The following CAPN11 variants were observed in gnomAD, a reference collection of about 807,000 sequenced individuals.
CAPN11 encodes the protein calpain-11.
In CAPN11, 108 loss-of-function variants were observed where a neutral mutation model predicts 105.3. The observed-to-expected ratio is 1.03, with a 90% confidence interval of 0.88 to 1.20. The LOEUF (loss-of-function observed/expected upper bound fraction) is 1.20. CAPN11 is among the 50% of genes most tolerant of loss of function. CAPN11 has a pLI of 0.00. For missense variants in CAPN11, 883 were observed against 924.8 expected (o/e 0.95, Z 0.59); for synonymous variants, 329 against 344.5 (o/e 0.96, Z 0.50).
At chr6:44,163,356 C>T (rs1477354177) in intron 1 of CAPN11, among the ~76,000 whole-genome samples, 1 of 152,176 alleles carries the variant, frequency 6.6e-6, no homozygotes, top group Non-Finnish European at 1.5e-5. Flanking sequence ...AGTGACTTCA[C>T]AAAGACCACA....
In CAPN11 at chr6:44,183,822, C is replaced by T. The variant is rs188714576; in HGVS notation, c.2193+59C>T. On this transcript the variant is annotated intron_variant, in intron 22 of 22. Transcript: ENST00000398776. Reference sequence around the variant, plus strand: ...ATTGCACCTGCCTGCCCCTCAACCCCACCCCCACCCAGCTCTGATGTCCCC... The same window carrying T: ...ATTGCACCTGCCTGCCCCTCAACCCTACCCCCACCCAGCTCTGATGTCCCC... 916 of 1,579,538 alleles carry T rather than the reference C, an allele frequency of 5.8e-4. 6 individuals are homozygous for T. In the African/African-American group the frequency reaches 0.011, roughly 19 times the overall value.
intron 2 of CAPN11, among the ~76,000 whole-genome samples, chr6:44,167,291 G>A (rs1002298059): frequency 4.0e-5 from 6 of 151,254 alleles, no homozygotes; most frequent in African/African-American, 1.5e-4. Context: ...CTGAGTTCGG[G>A]AGTTCGAGAC....
chr6:44,176,289 G>A lies in CAPN11; in HGVS notation c.952G>A (p.Val318Ile), dbSNP rs2128307473. 1 of 1,613,892 alleles carries A rather than the reference G, an allele frequency of 6.2e-7. No individual in the cohort carries two copies. Among genetic ancestry groups the A allele is most frequent in the East Asian group, 2.2e-5 (1 of 44,878 alleles). Residue 318 changes from valine to isoleucine, a missense_variant, in exon 9 of 23, where the codon GTC (valine) becomes ATC (isoleucine). Physicochemically the swap from Val to Ile is conservative, Grantham distance 29. Transcript: ENST00000398776. ...AGGCAAAATGGAAACACTGATTCGG[G>A]TCCGGAATCCCTGGGGCCGGATTGA... Reference protein sequence around the residue: ...YRGKMETLIRVRNPWGRIEWN... With the variant: ...YRGKMETLIRIRNPWGRIEWN...
chr6:44,166,979 G>T, intron 2 of CAPN11, 150 bp downstream of exon 2: 1 of 640,814 alleles, frequency 1.6e-6, no homozygotes, highest in South Asian at 1.8e-5. Flanking sequence ...CCTCAGGAAG[G>T]GATGTTGGCA....
At chr6:44,181,023 G>A in intron 18 of CAPN11, 26 bp downstream of exon 18, 1 of 1,601,904 alleles carries the variant, frequency 6.2e-7, no homozygotes, top group Non-Finnish European at 8.6e-7. Context: ...GTGCTCTCTT[G>A]GCCCTGTCCC....
rs1771329432 is a variant in CAPN11, at chr6:44,173,246, G to A, written c.691G>A (p.Gly231Arg). Residue 231 changes from glycine to arginine, a missense_variant, in exon 7 of 23, where the codon GGG (glycine) becomes AGG (arginine). Physicochemically the swap from Gly to Arg is moderately radical, Grantham distance 125. Transcript: ENST00000398776. ...GAGTGGGTCCTATGAAGCATTGTCA[G>A]GGGGCAGTACCATGGAGGGCCTTGA... ...KLSGSYEALSGGSTMEGLEDF... is the reference protein window; with the variant it reads ...KLSGSYEALSRGSTMEGLEDF... 1.2e-6 allele frequency: 2 copies of A among 1,613,814 alleles called. No homozygotes were observed. Among genetic ancestry groups the A allele is most frequent in the Non-Finnish European group, 1.7e-6 (2 of 1,179,882 alleles).
At chr6:44,168,925 T>C (rs1367243769) in intron 2 of CAPN11, 7 of 435,630 alleles carry the variant, frequency 1.6e-5, no homozygotes, top group South Asian at 1.1e-4. Context: ...CCAGCCTATT[T>C]ATTTATTTTT....
intron 19 of CAPN11, among the ~76,000 whole-genome samples, chr6:44,181,522 A>C (rs1485808386): frequency 7.7e-6 from 1 of 130,660 alleles, no homozygotes; most frequent in African/African-American, 2.7e-5. Context: ...ACATACAGAC[A>C]CAACCACACC....
intron 1 of CAPN11, 106 bp downstream of exon 1, chr6:44,158,970 TACA>T (rs1768200864): frequency 1.4e-6 from 1 of 690,884 alleles, no homozygotes; most frequent in Non-Finnish European, 2.1e-6. Context: ...CCCTTGAGGG[TACA>T]GAGAGTGACT....
At chr6:44,181,366 G>C in intron 19 of CAPN11, 46 bp downstream of exon 19, 1 of 1,557,852 alleles carries the variant, frequency 6.4e-7, no homozygotes, top group African/African-American at 1.4e-5. Context: ...GGAAAAGAGG[G>C]TCTTAGGAGA....
chr6:44,161,025 C>T lies in CAPN11; in HGVS notation c.16+2161C>T, dbSNP rs577228232. 2.7e-5 allele frequency among the ~76,000 whole-genome samples: 4 copies of T among 146,648 alleles called. No individual in the cohort carries two copies. In the East Asian group the frequency reaches 5.8e-4, roughly 21 times the overall value. On this transcript the variant is annotated intron_variant, in intron 1 of 22. Transcript: ENST00000398776. ...GTCCACTGGGGGTGTTGGAACGTAC[C>T]CCTAGGGTTAAGGGGAGCTACTGTG...
chr6:44,170,125 G>C, intron 4 of CAPN11, 150 bp downstream of exon 4: 1 of 651,262 alleles, frequency 1.5e-6, no homozygotes. Flanking sequence ...GGAGATGACA[G>C]TGAGAACACC....
chr6:44,182,269 TACAGACACAACCACACCACACACACACA>T (rs1773848442), intron 19 of CAPN11, among the ~76,000 whole-genome samples: 1 of 19,768 alleles, frequency 5.1e-5, no homozygotes, highest in Non-Finnish European at 9.7e-5. Flanking sequence ...CACACACACA[TACAGACACAACCACACCACACACACACA>T]CACACACACA....
chr6:44,180,590 C>T lies in CAPN11; in HGVS notation c.1681-7C>T. On this transcript the variant is annotated splice_region_variant and splice_polypyrimidine_tract_variant and intron_variant, in intron 15 of 22. Transcript: ENST00000398776. Reference sequence around the variant, plus strand: ...ACCAGGTCCCTTTCCTGCTCCCCGGCCCCCAGGAAAAGGTCTCTGAGGATG... The same window carrying T: ...ACCAGGTCCCTTTCCTGCTCCCCGGTCCCCAGGAAAAGGTCTCTGAGGATG... 1.2e-6 allele frequency: 2 copies of T among 1,613,678 alleles called. No individual in the cohort carries two copies. Among genetic ancestry groups the T allele is most frequent in the East Asian group, 2.2e-5 (1 of 44,864 alleles).
chr6:44,182,547 G>A lies in CAPN11; in HGVS notation c.1939-394G>A, dbSNP rs535109484. Among the ~76,000 whole-genome samples, 16 of 152,300 alleles carry A rather than the reference G, an allele frequency of 1.1e-4. 1 individual carries two copies. Among genetic ancestry groups the A allele is most frequent in the African/African-American group, 3.6e-4 (15 of 41,556 alleles). ...CAGGAGTGGGCCAGGGTTGGAGGGG[G>A]GCATGGGGTCTTAGGCCACTGCTGT... On this transcript the variant is annotated intron_variant, in intron 19 of 22. Transcript: ENST00000398776.
intron 1 of CAPN11, among the ~76,000 whole-genome samples, chr6:44,165,140 C>T (rs1037139034): frequency 1.3e-5 from 2 of 152,136 alleles, no homozygotes; most frequent in Admixed American, 6.5e-5. Flanking sequence ...CCACCTGCCT[C>T]AGCCTCCAAA....
At chr6:44,180,700 A>T in intron 16 of CAPN11, 38 bp downstream of exon 16, 1 of 1,612,922 alleles carries the variant, frequency 6.2e-7, no homozygotes, top group Non-Finnish European at 8.5e-7. Flanking sequence ...CAGGAGGGGG[A>T]TGAGGGGCTG....
intron 1 of CAPN11, among the ~76,000 whole-genome samples, chr6:44,165,970 C>T (rs556745676): frequency 7.2e-5 from 11 of 152,126 alleles, no homozygotes; most frequent in South Asian, 4.2e-4. Flanking sequence ...GCCCTGGCCT[C>T]GGACAGTGAT....
chr6:44,168,985 T>A (rs1273557291), intron 2 of CAPN11: 2 of 478,328 alleles, frequency 4.2e-6, no homozygotes, highest in African/African-American at 3.9e-5. Flanking sequence ...TGCCATCACA[T>A]CTCATTGCAG....
Sources: allele counts gnomAD v4.1 joint callset (sites outside exome capture counted in the v4.1 genomes callset), GRCh38; gene constraint gnomAD v4.1.1; transcripts MANE v1.5; gene names NCBI Gene and HGNC (gene_info 2026-07-23, HGNC 2026-07-21).